Variants in PDE3A observed in about 807,000 individuals in gnomAD.
PDE3A encodes the protein phosphodiesterase 3A.
In PDE3A, 43 loss-of-function variants were observed where a neutral mutation model predicts 98.3. That is an observed-to-expected ratio of 0.44 (90% CI 0.34 to 0.56). The LOEUF (loss-of-function observed/expected upper bound fraction) is 0.56. Among genes scored for constraint, PDE3A ranks in the 20% least tolerant of loss-of-function variants. PDE3A has a pLI of 0.01. For missense variants in PDE3A, 1,427 were observed against 1,440.7 expected (o/e 0.99, Z 0.15); for synonymous variants, 663 against 567.9 (o/e 1.17, Z -2.38).
chr12:20,495,915 G>A (rs1241987909), intron 1 of PDE3A, among the ~76,000 whole-genome samples: 1 of 152,176 alleles, frequency 6.6e-6, no homozygotes, highest in East Asian at 1.9e-4. Context: ...ATCAAAAAGA[G>A]AGAGGAGTTT....
intron 2 of PDE3A, among the ~76,000 whole-genome samples, chr12:20,610,766 G>C (rs1943828859): frequency 6.6e-6 from 1 of 151,882 alleles, no homozygotes; most frequent in South Asian, 2.1e-4. Flanking sequence ...ACATTATGCT[G>C]AGTAAAATAA....
intron 1 of PDE3A, among the ~76,000 whole-genome samples, chr12:20,517,737 G>T (rs1249413926): frequency 6.6e-6 from 1 of 152,132 alleles, no homozygotes; most frequent in Non-Finnish European, 1.5e-5. Context: ...GGCTCAGTCA[G>T]TAGGTCAGGG....
chr12:20,532,795 TCTC>T (rs1368273460), intron 1 of PDE3A, among the ~76,000 whole-genome samples: 2 of 151,392 alleles, frequency 1.3e-5, no homozygotes, highest in East Asian at 3.9e-4. Context: ...TTCACGCCAT[TCTC>T]CTGCCTCAGC....
intron 1 of PDE3A, among the ~76,000 whole-genome samples, chr12:20,438,472 A>T (rs1331041645): frequency 2.0e-5 from 3 of 152,208 alleles, no homozygotes; most frequent in African/African-American, 7.2e-5. Context: ...ATTTAGTAAT[A>T]TGAGAAAATA....
intron 1 of PDE3A, among the ~76,000 whole-genome samples, chr12:20,481,763 G>GTTTTTTTTTTTTTT (rs1565563069): frequency 3.0e-5 from 1 of 33,530 alleles, no homozygotes; most frequent in African/African-American, 1.3e-4. Flanking sequence ...TTGGGAAATA[G>GTTTTTTTTTTTTTT]ATTTTTTTTT....
intron 2 of PDE3A, among the ~76,000 whole-genome samples, chr12:20,603,972 C>T (rs1943654432): frequency 6.6e-6 from 1 of 151,988 alleles, no homozygotes; most frequent in South Asian, 2.1e-4. Context: ...AGTTCGAGAC[C>T]AGCCTGGCCA....
chr12:20,405,806 A>T (rs1276367620), intron 1 of PDE3A, among the ~76,000 whole-genome samples: 1 of 152,122 alleles, frequency 6.6e-6, no homozygotes, highest in Non-Finnish European at 1.5e-5. Flanking sequence ...TTTTAACTAT[A>T]TTGTAAATTA....
intron 1 of PDE3A, among the ~76,000 whole-genome samples, chr12:20,381,162 CT>C (rs1943656924): frequency 6.6e-6 from 1 of 151,892 alleles, no homozygotes; most frequent in East Asian, 1.9e-4. Flanking sequence ...ACAGCTAGAG[CT>C]TTTAAGTGTT....
intron 1 of PDE3A, among the ~76,000 whole-genome samples, chr12:20,406,137 T>C (rs1253779393): frequency 6.6e-6 from 1 of 152,236 alleles, no homozygotes; most frequent in Non-Finnish European, 1.5e-5. Flanking sequence ...TTATATATTG[T>C]TGAACACTTA....
At chr12:20,538,166 A>G (rs1941799359) in intron 1 of PDE3A, among the ~76,000 whole-genome samples, 1 of 152,110 alleles carries the variant, frequency 6.6e-6, no homozygotes, top group Non-Finnish European at 1.5e-5. Flanking sequence ...TATTGCTACT[A>G]TTCCATGAAA....
In PDE3A at chr12:20,368,650, G is replaced by A. The variant is rs1401558662; in HGVS notation, c.-635G>A. ...TGCCATGAATTGGATTGACAGAGGCGGGGGAGGCTTTGCTTTCTGCCCCAG... is the reference window on the plus strand; with the variant it reads ...TGCCATGAATTGGATTGACAGAGGCAGGGGAGGCTTTGCTTTCTGCCCCAG... On this transcript the variant is annotated 5_prime_UTR_variant, in exon 1 of 16. Transcript: ENST00000359062. Among the ~76,000 whole-genome samples the A allele has an allele frequency of 3.3e-5, 5 of 152,016 alleles. No individual in the cohort carries two copies. The highest frequency in any genetic ancestry group is 7.4e-5 in the Non-Finnish European group (5 of 67,916).
chr12:20,386,154 A>AATATATATAAATATATATAT (rs1412602652), intron 1 of PDE3A, among the ~76,000 whole-genome samples: 2 of 95,658 alleles, frequency 2.1e-5, no homozygotes, highest in African/African-American at 8.3e-5. Context: ...TATATATATA[A>AATATATATAAATATATATAT]ATATATATAA....
intron 1 of PDE3A, among the ~76,000 whole-genome samples, chr12:20,542,987 C>T (rs2121225457): frequency 6.6e-6 from 1 of 151,936 alleles, no homozygotes; most frequent in South Asian, 2.1e-4. Flanking sequence ...TTTTTTATTT[C>T]CTACTCATTT....
intron 1 of PDE3A, among the ~76,000 whole-genome samples, chr12:20,496,656 A>G (rs913398525): frequency 6.6e-6 from 1 of 152,078 alleles, no homozygotes; most frequent in African/African-American, 2.4e-5. Context: ...AATTCATCCA[A>G]AATTAAGTGC....
intron 14 of PDE3A, 94 bp from the exon 15 acceptor site, chr12:20,653,853 G>A: frequency 7.7e-7 from 1 of 1,300,436 alleles, no homozygotes; most frequent in Non-Finnish European, 1.1e-6. Context: ...TAGCTGTCAA[G>A]TAAAGAAGTT....
intron 2 of PDE3A, among the ~76,000 whole-genome samples, chr12:20,566,696 A>G (rs986936936): frequency 6.6e-6 from 1 of 151,926 alleles, no homozygotes; most frequent in Non-Finnish European, 1.5e-5. Flanking sequence ...GAAGTTGTCT[A>G]TCAAAGATGA....
chr12:20,577,112 GAT>G (rs1942952769), intron 2 of PDE3A, among the ~76,000 whole-genome samples: 1 of 152,070 alleles, frequency 6.6e-6, no homozygotes, highest in African/African-American at 2.4e-5. Flanking sequence ...AGACTACTCA[GAT>G]TATACATGAA....
intron 2 of PDE3A, among the ~76,000 whole-genome samples, chr12:20,576,815 G>C (rs1942942129): frequency 6.6e-6 from 1 of 152,066 alleles, no homozygotes; most frequent in East Asian, 1.9e-4. Flanking sequence ...GCTCAGATTG[G>C]CTTCTCGTTT....
rs567990786 is a variant in PDE3A, at chr12:20,679,482, C to T, written c.3185-548C>T. On this transcript the variant is annotated intron_variant, in intron 15 of 15. Coordinates refer to ENST00000359062, the MANE Select transcript of PDE3A (RefSeq NM_000921.5). ...CAGGATGGTCTCAATCTCCTGAGCT[C>T]GTGATTCGCCCGCCTTGGCCTCCCA... 6.6e-5 allele frequency among the ~76,000 whole-genome samples: 10 copies of T among 152,174 alleles called. No individual in the cohort carries two copies. The South Asian group carries it at 1.5e-3, about 22-fold the overall frequency.
Sources: allele counts gnomAD v4.1 joint callset (sites outside exome capture counted in the v4.1 genomes callset), GRCh38; gene constraint gnomAD v4.1.1; transcripts MANE v1.5; gene names NCBI Gene and HGNC (gene_info 2026-07-23, HGNC 2026-07-21).